DLG2: variants seen among roughly 807,000 people sequenced by gnomAD.
DLG2 encodes discs large MAGUK scaffold protein 2.
DLG2 carries 45 observed loss-of-function variants against 132.5 expected under a neutral mutation model. That is an observed-to-expected ratio of 0.34 (90% CI 0.27 to 0.44). The LOEUF (loss-of-function observed/expected upper bound fraction) is 0.44, where lower values mean the gene tolerates loss of function less well. DLG2 is among the 20% of genes least tolerant of loss of function. The pLI is 1.00. For missense variants in DLG2, 1,045 were observed against 1,196.9 expected (o/e 0.87, Z 1.87); for synonymous variants, 424 against 419.6 (o/e 1.01, Z -0.13).
rs546770285 is a variant in DLG2 at position 85,274,076 on chromosome 11, T to A, written c.186+11144A>T. Among the ~76,000 whole-genome samples the A allele has an allele frequency of 4.0e-5, 6 of 151,558 alleles. No individual in the cohort carries two copies. In the South Asian group the frequency reaches 1.3e-3, roughly 32 times the overall value. On this transcript the variant is annotated intron_variant, in intron 4 of 27. Coordinates refer to ENST00000376104, the MANE Select transcript of DLG2 (RefSeq NM_001142699.3). Reference sequence around the variant, plus strand: ...ACCACGAGAACACTTGGACACAGGGTGGGGAACATCACACACTGCGGCTGT... The same window carrying A: ...ACCACGAGAACACTTGGACACAGGGAGGGGAACATCACACACTGCGGCTGT...
intron 11 of DLG2, among the ~76,000 whole-genome samples, chr11:84,023,952 A>G (rs1466546814): frequency 1.3e-5 from 2 of 152,100 alleles, no homozygotes; most frequent in Non-Finnish European, 2.9e-5. Flanking sequence ...TTACTTCATT[A>G]TAAGAATATC....
At chr11:84,880,861 A>G (rs1241508383) in intron 6 of DLG2, among the ~76,000 whole-genome samples, 2 of 152,158 alleles carry the variant, frequency 1.3e-5, no homozygotes, top group African/African-American at 4.8e-5. Flanking sequence ...GTACTGTGAA[A>G]TAATTAATTA....
At chr11:85,374,110 A>G (rs950825214) in intron 3 of DLG2, among the ~76,000 whole-genome samples, 1 of 152,156 alleles carries the variant, frequency 6.6e-6, no homozygotes, top group Non-Finnish European at 1.5e-5. Flanking sequence ...TGTGCAAGGA[A>G]TTATATGAAA....
chr11:84,905,853 T>TC (rs1315469779), intron 6 of DLG2, among the ~76,000 whole-genome samples: 2 of 152,200 alleles, frequency 1.3e-5, no homozygotes, highest in Admixed American at 1.3e-4. Context: ...CCTTTAGACT[T>TC]CCCCAAAGTC....
intron 3 of DLG2, among the ~76,000 whole-genome samples, chr11:85,410,058 G>T (rs1011905431): frequency 2.6e-5 from 4 of 151,806 alleles, no homozygotes; most frequent in Admixed American, 6.6e-5. Context: ...ATCTTTTATT[G>T]TCAGCAGCAT....
intron 6 of DLG2, chr11:84,997,568 C>T (rs776553707): frequency 1.4e-4 from 21 of 152,180 alleles, no homozygotes; most frequent in Non-Finnish European, 2.5e-4. Context: ...CTCAATATAA[C>T]ATTGGTGTCT....
chr11:84,126,907 T>C (rs1436135293), intron 9 of DLG2, among the ~76,000 whole-genome samples: 6 of 152,180 alleles, frequency 3.9e-5, no homozygotes, highest in African/African-American at 1.4e-4. Flanking sequence ...ATGATGGGAC[T>C]TCCATAAACA....
chr11:85,151,382 GTTT>G (rs36032909), intron 5 of DLG2, among the ~76,000 whole-genome samples: 8 of 139,212 alleles, frequency 5.7e-5, no homozygotes, highest in Admixed American at 7.1e-5. Flanking sequence ...AGTACAATTT[GTTT>G]TTTTTTTTTT....
rs530133402 is a variant in DLG2 at position 85,270,661 on chromosome 11, G to A, written c.186+14559C>T. Among the ~76,000 whole-genome samples, 8 of 152,290 alleles carry A rather than the reference G, an allele frequency of 5.3e-5. 1 individual carries two copies. In the East Asian group the frequency reaches 7.7e-4, roughly 15 times the overall value. On this transcript the variant is annotated intron_variant, in intron 4 of 27. Coordinates refer to ENST00000376104, the MANE Select transcript of DLG2 (RefSeq NM_001142699.3). ...AAATGCTCAAGATGATATGAACAAC[G>A]AAATCCAGGCTGAGGTGGTCTCAAA...
chr11:84,634,439 C>A (rs1027157522), intron 6 of DLG2, among the ~76,000 whole-genome samples: 1 of 152,182 alleles, frequency 6.6e-6, no homozygotes, highest in Non-Finnish European at 1.5e-5. Context: ...CAGACTACAA[C>A]CTACTCTTTA....
chr11:85,544,626 A>G (rs1212652792), intron 3 of DLG2, among the ~76,000 whole-genome samples: 4 of 152,214 alleles, frequency 2.6e-5, no homozygotes, highest in African/African-American at 9.6e-5. Flanking sequence ...ATCCATGAGC[A>G]TGGAATGTTT....
intron 6 of DLG2, among the ~76,000 whole-genome samples, chr11:84,628,945 C>G (rs1257383865): frequency 6.6e-6 from 1 of 152,070 alleles, no homozygotes; most frequent in Non-Finnish European, 1.5e-5. Context: ...AACAGATGAC[C>G]AGTATTCTCC....
At chr11:85,007,431 C>A (rs913229486) in intron 6 of DLG2, among the ~76,000 whole-genome samples, 73 of 151,874 alleles carry the variant, frequency 4.8e-4, no homozygotes, top group Non-Finnish European at 4.4e-5. Flanking sequence ...GAAGCTAAGG[C>A]GGGTGGATCA....
At chr11:85,506,752 G>T (rs1371850472) in intron 3 of DLG2, among the ~76,000 whole-genome samples, 1 of 152,310 alleles carries the variant, frequency 6.6e-6, no homozygotes, top group South Asian at 2.1e-4. Flanking sequence ...GCAGAGCTGA[G>T]TTCAAGTCCT....
At position 84,378,555 on chromosome 11, in the gene DLG2, G is replaced by A. The variant is rs532260536; in HGVS notation, c.520-127264C>T. 4.6e-5 allele frequency among the ~76,000 whole-genome samples: 7 copies of A among 152,066 alleles called. No individual in the cohort carries two copies. In the South Asian group the frequency reaches 8.3e-4, roughly 18 times the overall value. ...GACACTCAATGGGGGGAAAAATCTC[G>A]CCTGAGAATTTGTAATCACAACTTG... On this transcript the variant is annotated intron_variant, in intron 7 of 27. Coordinates refer to ENST00000376104, the MANE Select transcript of DLG2 (RefSeq NM_001142699.3).
At chr11:83,681,499 G>A (rs984674592) in intron 18 of DLG2, among the ~76,000 whole-genome samples, 1 of 152,102 alleles carries the variant, frequency 6.6e-6, no homozygotes, top group African/African-American at 2.4e-5. Flanking sequence ...CGGGTACGTC[G>A]TACAGCTCTT....
intron 3 of DLG2, among the ~76,000 whole-genome samples, chr11:85,598,079 TAA>T (rs1230103511): frequency 6.6e-6 from 1 of 151,932 alleles, no homozygotes; most frequent in Non-Finnish European, 1.5e-5. Context: ...AGAATAAACA[TAA>T]GTTTAAACAT....
At chr11:84,196,044 G>C (rs1045954634) in intron 8 of DLG2, among the ~76,000 whole-genome samples, 1 of 152,132 alleles carries the variant, frequency 6.6e-6, no homozygotes, top group African/African-American at 2.4e-5. Context: ...TTTGTATGTA[G>C]ATCATTATTA....
chr11:84,947,777 T>C (rs996295478), intron 6 of DLG2, among the ~76,000 whole-genome samples: 2 of 152,262 alleles, frequency 1.3e-5, no homozygotes, highest in Non-Finnish European at 2.9e-5. Context: ...CCAGGGTTAG[T>C]TCTGGGTTTT....
Sources: allele counts gnomAD v4.1 joint callset (sites outside exome capture counted in the v4.1 genomes callset), GRCh38; gene constraint gnomAD v4.1.1; transcripts MANE v1.5; gene names NCBI Gene and HGNC (gene_info 2026-07-23, HGNC 2026-07-21).